Variants in LRRC7 observed in about 807,000 individuals in gnomAD.
The protein encoded by LRRC7 is leucine rich repeat containing 7.
Under a neutral mutation model 175.7 loss-of-function variants are expected in LRRC7, and 23 were observed. That is an observed-to-expected ratio of 0.13 (90% CI 0.09 to 0.19). The LOEUF is 0.19. Ranked by LOEUF, LRRC7 falls within the 10% of genes least tolerant of loss-of-function variation. The pLI, the probability that LRRC7 is intolerant of heterozygous loss-of-function variation, is 1.00. For missense variants in LRRC7, 1,354 were observed against 1,904.7 expected (o/e 0.71, Z 5.38); for synonymous variants, 685 against 680.9 (o/e 1.01, Z -0.09).
chr1:69,956,218 T>C (rs1231559295), intron 8 of LRRC7, among the ~76,000 whole-genome samples: 1 of 151,956 alleles, frequency 6.6e-6, no homozygotes, highest in East Asian at 1.9e-4. Flanking sequence ...GCCTGTATCC[T>C]AGTATAATTT....
intron 7 of LRRC7, among the ~76,000 whole-genome samples, chr1:69,885,333 G>T (rs1291947748): frequency 6.9e-6 from 1 of 145,376 alleles, no homozygotes; most frequent in East Asian, 2.0e-4. Flanking sequence ...CTTCTTCCTG[G>T]TTTAGTCTTG....
chr1:69,827,598 C>T (rs1185096322), intron 5 of LRRC7, among the ~76,000 whole-genome samples: 3 of 151,900 alleles, frequency 2.0e-5, no homozygotes, highest in African/African-American at 7.3e-5. Context: ...ACCTGTGATC[C>T]CAACACTTAG....
chr1:69,795,312 G>A (rs764352577), intron 4 of LRRC7, among the ~76,000 whole-genome samples: 4 of 151,852 alleles, frequency 2.6e-5, no homozygotes, highest in East Asian at 1.9e-4. Flanking sequence ...CCTGGGAGGC[G>A]GAGGTTGCAG....
In LRRC7 at chr1:70,141,098, C is replaced by A. The variant is rs911269286; in HGVS notation, c.*19211C>A. 3.9e-5 allele frequency among the ~76,000 whole-genome samples: 6 copies of A among 152,116 alleles called. No individual in the cohort carries two copies. Among genetic ancestry groups the A allele is most frequent in the African/African-American group, 1.4e-4 (6 of 41,534 alleles). ...ACAGGAGGAGAGGCCAAGGAGTCAT[C>A]CCAGAGTTCTAAGCTCATAAAGAGG... is the stretch of plus-strand genomic sequence containing the variant. On this transcript the variant is annotated 3_prime_UTR_variant, in exon 27 of 27. Coordinates refer to ENST00000651989, the MANE Select transcript of LRRC7 (RefSeq NM_001370785.2).
chr1:69,914,388 A>G (rs1214700661), intron 7 of LRRC7, among the ~76,000 whole-genome samples: 1 of 152,214 alleles, frequency 6.6e-6, no homozygotes, highest in Non-Finnish European at 1.5e-5. Context: ...CATAAATTCC[A>G]TCACTGCTTC....
chr1:70,030,431 A>G (rs571002303), intron 18 of LRRC7, among the ~76,000 whole-genome samples: 1 of 152,240 alleles, frequency 6.6e-6, no homozygotes, highest in South Asian at 2.1e-4. Context: ...ACTTTTAACC[A>G]TCCTACAGCA....
At chr1:69,976,953 A>G (rs142479817) in intron 8 of LRRC7, among the ~76,000 whole-genome samples, 15 of 148,324 alleles carry the variant, frequency 1.0e-4, no homozygotes, top group African/African-American at 2.9e-4. Context: ...TTTGATGCCA[A>G]CTGATTCCTG....
chr1:69,947,430 G>A (rs1649453743), intron 8 of LRRC7, among the ~76,000 whole-genome samples: 1 of 151,474 alleles, frequency 6.6e-6, no homozygotes, highest in Admixed American at 6.6e-5. Flanking sequence ...ATCATCAATA[G>A]GTATATTTTG....
At chr1:69,580,165 CCTT>C (rs1311858027) in intron 1 of LRRC7, among the ~76,000 whole-genome samples, 2 of 152,052 alleles carry the variant, frequency 1.3e-5, no homozygotes, top group East Asian at 1.9e-4. Flanking sequence ...ACTCTTCCCT[CCTT>C]CTCAAATTTA....
intron 1 of LRRC7, among the ~76,000 whole-genome samples, chr1:69,670,002 T>C (rs973748609): frequency 3.9e-5 from 6 of 152,084 alleles, no homozygotes; most frequent in African/African-American, 1.4e-4. Flanking sequence ...TTGAATTTCT[T>C]TGAGTTTCCT....
rs1658327385 is a variant in LRRC7, at chr1:70,028,199, C to T, written c.1823C>T (p.Thr608Ile). ...QVEINLKRYPTPYPEDLKNMV... is the reference protein window; with the variant it reads ...QVEINLKRYPIPYPEDLKNMV... Reference sequence around the variant, plus strand: ...GAAATAAACCTAAAACGATATCCAACTCCTTACCCAGAGGATTTAAAGAAT... The same window carrying T: ...GAAATAAACCTAAAACGATATCCAATTCCTTACCCAGAGGATTTAAAGAAT... The change falls in exon 18 of 27, where the codon ACT (threonine) becomes ATT (isoleucine). Residue 608 changes from threonine to isoleucine, a missense_variant. This residue lies in a region of LRRC7 where 1,032 missense variants were observed against 1,227.2 expected (regional missense o/e 0.84). Transcript: ENST00000651989. 9.9e-6 allele frequency: 16 copies of T among 1,613,508 alleles called. No homozygotes were observed. In the East Asian group the frequency reaches 3.6e-4, roughly 36 times the overall value.
At chr1:69,945,543 G>C (rs919478725) in intron 8 of LRRC7, among the ~76,000 whole-genome samples, 4 of 152,076 alleles carry the variant, frequency 2.6e-5, no homozygotes, top group Non-Finnish European at 4.4e-5. Context: ...TGTGGAAAAT[G>C]TTAGAATTTG....
At chr1:69,812,523 C>G (rs1678017314) in intron 4 of LRRC7, among the ~76,000 whole-genome samples, 1 of 152,072 alleles carries the variant, frequency 6.6e-6, no homozygotes, top group African/African-American at 2.4e-5. Flanking sequence ...ATACTAATAT[C>G]TGACTTGCCT....
At chr1:69,781,749 G>A (rs1164062398) in intron 3 of LRRC7, among the ~76,000 whole-genome samples, 5 of 44,120 alleles carry the variant, frequency 1.1e-4, no homozygotes, top group Non-Finnish European at 1.9e-4. Flanking sequence ...GAGAGAGAGA[G>A]AGAGAGAGAG....
rs1659664657 is a variant in LRRC7 at position 70,039,414 on chromosome 1, C to T, written c.3590C>T (p.Thr1197Ile). The T allele has an allele frequency of 6.2e-7, 1 of 1,614,130 alleles. No individual in the cohort carries two copies. The highest frequency in any genetic ancestry group is 8.5e-7 in the Non-Finnish European group (1 of 1,180,006). Residue 1197 changes from threonine (T) to isoleucine (I), a missense_variant, in exon 21 of 27, where the codon ACA (threonine) becomes ATA (isoleucine). Thr to Ile is a moderately conservative substitution (Grantham distance 89). This residue lies in a region of LRRC7 where 1,032 missense variants were observed against 1,227.2 expected (regional missense o/e 0.84). Transcript: ENST00000651989. The stretch of plus-strand genomic sequence containing the variant: ...GGGCTGGATCGCCAAAGCAGCGTTA[C>T]AGTGACTGAGTCCCAGTTCCTGAAA... ...RGGLDRQSSV[T>I]VTESQFLKRN...
chr1:69,764,593 A>G (rs1671395457), intron 3 of LRRC7, among the ~76,000 whole-genome samples: 1 of 151,980 alleles, frequency 6.6e-6, no homozygotes, highest in South Asian at 2.1e-4. Context: ...CAAATCTGGA[A>G]TTATATCCTA....
chr1:69,807,073 T>C (rs181049522), intron 4 of LRRC7, among the ~76,000 whole-genome samples: 12 of 152,240 alleles, frequency 7.9e-5, no homozygotes, highest in Admixed American at 7.9e-4. Context: ...TCTCTTTTGA[T>C]CTTTGTTGGT....
intron 1 of LRRC7, among the ~76,000 whole-genome samples, chr1:69,576,707 C>A (rs753088308): frequency 4.6e-5 from 7 of 152,152 alleles, no homozygotes; most frequent in Non-Finnish European, 1.0e-4. Flanking sequence ...AGCACATTAG[C>A]TATGCTTTTC....
At chr1:69,821,290 C>G (rs144786817) in intron 4 of LRRC7, among the ~76,000 whole-genome samples, 1 of 152,060 alleles carries the variant, frequency 6.6e-6, no homozygotes. Context: ...CTTCATTTTT[C>G]TACTCTGACT....
Sources: gnomAD v4.1 joint callset for allele counts (sites outside exome capture counted in the v4.1 genomes callset) on GRCh38, gnomAD v4.1.1 for gene constraint, gnomAD v4.1.1 regional missense constraint, MANE v1.5 for transcripts, NCBI Gene and HGNC (gene_info 2026-07-23, HGNC 2026-07-21) for gene names.